CRX: variants seen among roughly 807,000 people sequenced by gnomAD.
The protein encoded by CRX is cone-rod homeobox.
A neutral mutation model predicts 13.1 loss-of-function variants in CRX; 5 were observed. The observed-to-expected ratio is 0.38, with a 90% CI of 0.20 to 0.80. The LOEUF (loss-of-function observed/expected upper bound fraction) is 0.80. Among genes scored for constraint, CRX ranks in the 30% least tolerant of loss-of-function variants. CRX has a pLI of 0.43. For synonymous variants in CRX, 179 were observed against 171.1 expected (o/e 1.05, Z -0.36); for missense variants, 351 against 391.8 (o/e 0.90, Z 0.88).
chr19:47,829,613 G>A, intron 1 of CRX, among the ~76,000 whole-genome samples: 1 of 152,000 alleles, frequency 6.6e-6, no homozygotes, highest in East Asian at 1.9e-4. Context: ...TTACAGGCGT[G>A]AGCAACTGCA....
chr19:47,827,412 T>G (rs983849129), intron 1 of CRX, among the ~76,000 whole-genome samples: 4 of 151,808 alleles, frequency 2.6e-5, no homozygotes, highest in African/African-American at 9.7e-5. Flanking sequence ...TTAATTTTTT[T>G]TTTTTGCCTG....
intron 1 of CRX, among the ~76,000 whole-genome samples, chr19:47,824,989 G>GTTTT (rs1568620994): frequency 5.2e-5 from 3 of 57,972 alleles, no homozygotes; most frequent in African/African-American, 1.6e-4. Flanking sequence ...TCGATTGATT[G>GTTTT]ATTTTTTTTT....
At chr19:47,832,281 T>C (rs867185543) in intron 1 of CRX, among the ~76,000 whole-genome samples, 55 of 149,074 alleles carry the variant, frequency 3.7e-4, no homozygotes, top group Middle Eastern at 6.9e-3. Flanking sequence ...AATTTTTGTA[T>C]TTTCTGCAGA....
intron 2 of CRX, 68 bp from the exon 3 acceptor site, chr19:47,836,175 C>T: frequency 6.3e-7 from 1 of 1,596,378 alleles, no homozygotes; most frequent in Non-Finnish European, 8.6e-7. Flanking sequence ...TGGCATCCCA[C>T]CCAGCCTCAG....
rs34872129 is a variant in CRX at position 47,835,620 on chromosome 19, G to GTTTTTTTTTTTTTTTTTTTTTTTT, written c.101-604_101-603insTTTTTTTTTTTTTTTTTTTTTTTT. On this transcript the variant is annotated intron_variant, in intron 2 of 3. Coordinates refer to ENST00000221996, the MANE Select transcript of CRX (RefSeq NM_000554.6). The stretch of plus-strand genomic sequence containing the variant: ...TTTGTAGCATTATTCTTTAGCTCTT[G>GTTTTTTTTTTTTTTTTTTTTTTTT]TTTTTTTTTTTTTTTTTTTCAAGAC... 4.9e-5 allele frequency among the ~76,000 whole-genome samples: 5 copies of GTTTTTTTTTTTTTTTTTTTTTTTT among 102,192 alleles called. 1 individual carries two copies. Among genetic ancestry groups the GTTTTTTTTTTTTTTTTTTTTTTTT allele is most frequent in the African/African-American group, 2.0e-4 (5 of 24,484 alleles). The allele number at this position is 102,192 out of a possible 152,430, so 67.0% of individuals were successfully genotyped here. A position where few individuals can be genotyped will look rare whatever the true frequency, so the allele number is the denominator to read the frequency against.
intron 2 of CRX, 108 bp downstream of exon 2, chr19:47,834,651 G>T: frequency 1.3e-6 from 1 of 797,296 alleles, no homozygotes; most frequent in South Asian, 1.5e-5. Flanking sequence ...CGACTTCAGG[G>T]CCATACACCA....
chr19:47,832,631 G>A (rs1021325232), intron 1 of CRX, among the ~76,000 whole-genome samples: 7 of 151,030 alleles, frequency 4.6e-5, no homozygotes, highest in South Asian at 2.1e-4. Context: ...GACTACAGGC[G>A]TGCACCCCTG....
At chr19:47,825,775 A>T (rs1368235890) in intron 1 of CRX, among the ~76,000 whole-genome samples, 1 of 151,944 alleles carries the variant, frequency 6.6e-6, no homozygotes, top group Non-Finnish European at 1.5e-5. Context: ...CAAAAAAAAA[A>T]TTAGCCAGGC....
At chr19:47,836,941 T>C (rs1204311389) in intron 3 of CRX, among the ~76,000 whole-genome samples, 1 of 152,148 alleles carries the variant, frequency 6.6e-6, no homozygotes, top group Non-Finnish European at 1.5e-5. Context: ...TATGTATGTG[T>C]GACTGTAGGT....
At position 47,833,757 on chromosome 19, in the gene CRX, G is replaced by A. The variant is rs1234543113; in HGVS notation, c.-35-652G>A. ...GCAGTCCTGGGTTATAAGTGAGGCTGAGCGTGTTTGCCCATGGTCAAGAAA... is the reference window on the plus strand; with the variant it reads ...GCAGTCCTGGGTTATAAGTGAGGCTAAGCGTGTTTGCCCATGGTCAAGAAA... On this transcript the variant is annotated intron_variant, in intron 1 of 3. Coordinates refer to ENST00000221996, the MANE Select transcript of CRX (RefSeq NM_000554.6). 2.6e-5 allele frequency among the ~76,000 whole-genome samples: 3 copies of A among 117,174 alleles called. No homozygotes were observed. The East Asian group carries it at 5.9e-4, about 23-fold the overall frequency. The allele number at this position is 117,174 out of a possible 152,430, so 76.9% of individuals were successfully genotyped here.
At position 47,840,216 on chromosome 19, in the gene CRX, G is replaced by C; in HGVS notation, c.*249G>C. On this transcript the variant is annotated 3_prime_UTR_variant, in exon 4 of 4. Coordinates refer to ENST00000221996, the MANE Select transcript of CRX (RefSeq NM_000554.6). The stretch of plus-strand genomic sequence containing the variant: ...CCCTAACACCGTCTGGCACGATTGT[G>C]ACCGCTGAAGTACACCACGAGCTCC... 1 of 521,932 alleles carries C rather than the reference G, an allele frequency of 1.9e-6. No homozygotes were observed. The highest frequency in any genetic ancestry group is 2.1e-5 in the South Asian group (1 of 46,814). 32.3% of individuals were successfully genotyped at this position (521,932 alleles called of 1,614,324 possible). A position where few individuals can be genotyped will look rare whatever the true frequency, so the allele number is the denominator to read the frequency against.
In CRX at chr19:47,836,483, G is replaced by A. The variant is rs894512188; in HGVS notation, c.252+89G>A. On this transcript the variant is annotated intron_variant, in intron 3 of 3. Coordinates refer to ENST00000221996, the MANE Select transcript of CRX (RefSeq NM_000554.6). Reference sequence around the variant, plus strand: ...ACAAAGAGTGATGGGAGGAGGGAGAGATCACAGAGTGACAGCCAAAGTTAT... The same window carrying A: ...ACAAAGAGTGATGGGAGGAGGGAGAAATCACAGAGTGACAGCCAAAGTTAT... 8 of 1,556,860 alleles carry A rather than the reference G, an allele frequency of 5.1e-6. No homozygotes were observed. In the African/African-American group the frequency reaches 6.8e-5, roughly 13 times the overall value.
Position 47,834,391 on chromosome 19 carries a change from C to T in CRX, c.-35-18C>T. 1.5e-6 allele frequency: 2 copies of T among 1,345,410 alleles called. No homozygotes were observed. The highest frequency in any genetic ancestry group is 2.1e-6 in the Non-Finnish European group (2 of 934,584). The allele number at this position is 1,345,410 out of a possible 1,614,324, so 83.3% of individuals were successfully genotyped here. ...AGTAACTGGTAAGTGAGTGAGCATC[C>T]CTCCTCTTCTCTTGCAGGCCCCCTG... On this transcript the variant is annotated intron_variant, in intron 1 of 3. Coordinates refer to ENST00000221996, the MANE Select transcript of CRX (RefSeq NM_000554.6).
chr19:47,828,334 A>T (rs1233295533), intron 1 of CRX, among the ~76,000 whole-genome samples: 1 of 152,094 alleles, frequency 6.6e-6, no homozygotes, highest in Non-Finnish European at 1.5e-5. Flanking sequence ...CTCAACTTAA[A>T]ATAAACAGAA....
intron 1 of CRX, among the ~76,000 whole-genome samples, chr19:47,831,615 G>A (rs79146445): frequency 0.031 from 4,758 of 152,266 alleles, 214 homozygotes; most frequent in African/African-American, 0.1. Flanking sequence ...GTGCCAAAAA[G>A]GTTGAGGACT....
rs2123746384 is a variant in CRX, at chr19:47,842,903, T to C, written c.*2936T>C. 6.6e-6 allele frequency: 1 copy of C among 151,854 alleles called. No individual in the cohort carries two copies. Among genetic ancestry groups the C allele is most frequent in the Non-Finnish European group, 1.5e-5 (1 of 68,014 alleles). The allele number at this position is 151,854 out of a possible 1,614,324, so 9.4% of individuals were successfully genotyped here. On this transcript the variant is annotated 3_prime_UTR_variant, in exon 4 of 4. Coordinates refer to ENST00000221996, the MANE Select transcript of CRX (RefSeq NM_000554.6). ...ACAAGTCATAGAAACTTGATGGGAG[T>C]TGGGGAGGGACTGAAGGATGCATGC...
rs1056353386 is a variant in CRX at position 47,839,259 on chromosome 19, C to T, written c.253-61C>T. 1 of 1,561,932 alleles carries T rather than the reference C, an allele frequency of 6.4e-7. No individual in the cohort carries two copies. The highest frequency in any genetic ancestry group is 8.7e-7 in the Non-Finnish European group (1 of 1,151,446). On this transcript the variant is annotated intron_variant, in intron 3 of 3. Transcript: ENST00000221996. The surrounding 1 kb of genome is among the most constrained non-coding windows in gnomAD (Gnocchi z 4.6). ...ATAAGTGTCCTCATCCCCGGGCACC[C>T]TGCGGCTCTCCTGGGCCTCTTCCCC...
intron 3 of CRX, 30 bp downstream of exon 3, chr19:47,836,424 G>T (rs373985560): frequency 1.5e-5 from 25 of 1,613,906 alleles, no homozygotes; most frequent in African/African-American, 1.2e-4. Flanking sequence ...GACCCCTCCC[G>T]ACACTTCCTG....
rs61748441 is a variant in CRX at position 47,839,432 on chromosome 19, G to A, written c.365G>A (p.Gly122Asp). The change falls in exon 4 of 4, where the codon GGC becomes GAC. Residue 122 changes from glycine (G) to aspartate (D), a missense_variant. Transcript: ENST00000221996. This position sits in a 1 kb window ranked among gnomAD's most constrained non-coding sequence, Gnocchi z 4.6. ...AKARPAKRKA[G>D]TSPRPSTDVC... ...GCCCGGCCTGCCAAGAGGAAGGCGGGCACGTCCCCAAGACCCTCCACAGAT... is the reference window on the plus strand; with the variant it reads ...GCCCGGCCTGCCAAGAGGAAGGCGGACACGTCCCCAAGACCCTCCACAGAT... 5,047 of 1,613,832 alleles carry A rather than the reference G, an allele frequency of 3.1e-3. 233 individuals carry two copies. The Admixed American group carries it at 0.078, about 25-fold the overall frequency.
Sources: allele counts gnomAD v4.1 joint callset (sites outside exome capture counted in the v4.1 genomes callset), GRCh38; gene constraint gnomAD v4.1.1; non-coding constraint Gnocchi (gnomAD v3.1); transcripts MANE v1.5; gene names NCBI Gene and HGNC (gene_info 2026-07-23, HGNC 2026-07-21).